CNTNAP2: variants seen among roughly 807,000 people sequenced by gnomAD.
CNTNAP2 encodes the protein contactin-associated protein-like 2.
CNTNAP2 carries 98 observed loss-of-function variants against 155.2 expected under a neutral mutation model. The observed-to-expected ratio is 0.63, with a 90% CI of 0.54 to 0.75. The LOEUF is 0.75. Among genes scored for constraint, CNTNAP2 ranks in the 30% least tolerant of loss-of-function variants. The pLI is 0.00. For missense variants in CNTNAP2, 1,727 were observed against 1,688.1 expected, an observed-to-expected ratio of 1.02 and a Z score of -0.40; for synonymous variants, 651 against 631.2, an observed-to-expected ratio of 1.03 and a Z score of -0.47.
chr7:147,440,792 T>C (rs1797624533), intron 10 of CNTNAP2, among the ~76,000 whole-genome samples: 1 of 152,198 alleles, frequency 6.6e-6, no homozygotes, highest in African/African-American at 2.4e-5. Flanking sequence ...TACGACTCTC[T>C]TCTGGCCTGT....
chr7:147,625,391 C>A (rs2116899738), intron 12 of CNTNAP2, among the ~76,000 whole-genome samples: 1 of 152,008 alleles, frequency 6.6e-6, no homozygotes, highest in South Asian at 2.1e-4. Context: ...CTATGATGTA[C>A]CCACAAAAAT....
At chr7:146,161,908 G>C (rs1377142139) in intron 1 of CNTNAP2, among the ~76,000 whole-genome samples, 1 of 152,112 alleles carries the variant, frequency 6.6e-6, no homozygotes, top group Admixed American at 6.6e-5. Context: ...ACGAGAAATG[G>C]GGAAAGGATT....
chr7:147,902,135 A>G (rs971695755), intron 13 of CNTNAP2, among the ~76,000 whole-genome samples: 1 of 152,204 alleles, frequency 6.6e-6, no homozygotes, highest in Non-Finnish European at 1.5e-5. Flanking sequence ...ACTGACCGCA[A>G]CTTGGCTTCC....
At chr7:146,780,407 T>C (rs1802464904) in intron 2 of CNTNAP2, among the ~76,000 whole-genome samples, 1 of 152,028 alleles carries the variant, frequency 6.6e-6, no homozygotes, top group Non-Finnish European at 1.5e-5. Context: ...GCCAGGATCG[T>C]CTCAATCTCC....
Position 146,326,469 on chromosome 7 carries a change from G to T in CNTNAP2, c.97+209496G>T, listed in dbSNP as rs189495259. Among the ~76,000 whole-genome samples the T allele has an allele frequency of 9.2e-5, 14 of 152,262 alleles. No homozygotes were observed. In the East Asian group the frequency reaches 2.7e-3, roughly 29 times the overall value. ...TACATGACAGTGAATGCCATTTGCT[G>T]ATAGCAAATGAATTCAAATAGCCCT... is the stretch of plus-strand genomic sequence containing the variant. On this transcript the variant is annotated intron_variant, in intron 1 of 23. Coordinates refer to ENST00000361727, the MANE Select transcript of CNTNAP2 (RefSeq NM_014141.6).
intron 2 of CNTNAP2, among the ~76,000 whole-genome samples, chr7:146,830,381 A>G (rs1260291639): frequency 1.3e-5 from 2 of 152,114 alleles, no homozygotes; most frequent in Non-Finnish European, 1.5e-5. Context: ...ATTTCTTTAT[A>G]GATCTGGGTG....
chr7:147,895,217 T>C (rs1799758554), intron 13 of CNTNAP2, among the ~76,000 whole-genome samples: 1 of 151,852 alleles, frequency 6.6e-6, no homozygotes, highest in Admixed American at 6.6e-5. Flanking sequence ...CAGGTGATCC[T>C]CCCACCTCGG....
At chr7:146,381,365 AC>A (rs1020308463) in intron 1 of CNTNAP2, among the ~76,000 whole-genome samples, 2 of 152,154 alleles carry the variant, frequency 1.3e-5, no homozygotes, top group African/African-American at 4.8e-5. Flanking sequence ...AAATATATTA[AC>A]TTCTTTTTTA....
intron 13 of CNTNAP2, among the ~76,000 whole-genome samples, chr7:147,851,947 GT>G (rs1798951150): frequency 6.6e-6 from 1 of 151,854 alleles, no homozygotes; most frequent in Non-Finnish European, 1.5e-5. Flanking sequence ...TTTCTGATTT[GT>G]TTAAAAAAAA....
chr7:146,902,346 G>A (rs1269272679), intron 3 of CNTNAP2, among the ~76,000 whole-genome samples: 1 of 151,978 alleles, frequency 6.6e-6, no homozygotes, highest in Non-Finnish European at 1.5e-5. Flanking sequence ...AATATACTTT[G>A]TTTCTTCATC....
At chr7:146,366,894 C>T (rs1795163300) in intron 1 of CNTNAP2, among the ~76,000 whole-genome samples, 1 of 152,222 alleles carries the variant, frequency 6.6e-6, no homozygotes, top group South Asian at 2.1e-4. Flanking sequence ...TCCCCTGATC[C>T]ATCTTTAGAC....
At chr7:146,608,480 T>C (rs567808478) in intron 1 of CNTNAP2, among the ~76,000 whole-genome samples, 6 of 152,284 alleles carry the variant, frequency 3.9e-5, no homozygotes, top group South Asian at 4.1e-4. Context: ...CAGTTAATAA[T>C]GACAATACAG....
intron 1 of CNTNAP2, among the ~76,000 whole-genome samples, chr7:146,219,663 G>A (rs545433356): frequency 6.6e-6 from 1 of 152,182 alleles, no homozygotes; most frequent in African/African-American, 2.4e-5. Flanking sequence ...AGGTAAATGA[G>A]ATGGGTCTGG....
chr7:147,764,718 T>G (rs1274376636), intron 13 of CNTNAP2, among the ~76,000 whole-genome samples: 2 of 152,224 alleles, frequency 1.3e-5, no homozygotes, highest in Non-Finnish European at 2.9e-5. Context: ...AAACAAAAGC[T>G]GCTGAGTTCT....
intron 15 of CNTNAP2, among the ~76,000 whole-genome samples, chr7:148,017,438 A>G (rs1048972156): frequency 8.5e-5 from 13 of 152,240 alleles, no homozygotes; most frequent in African/African-American, 3.1e-4. Flanking sequence ...GCATACAAAA[A>G]GGCTGCTTAT....
At chr7:146,360,188 C>T (rs1216199509) in intron 1 of CNTNAP2, among the ~76,000 whole-genome samples, 1 of 152,110 alleles carries the variant, frequency 6.6e-6, no homozygotes. Context: ...TGTCTCTCTC[C>T]TTTGACAGAA....
At chr7:147,740,713 A>T (rs1423660978) in intron 13 of CNTNAP2, among the ~76,000 whole-genome samples, 1 of 152,230 alleles carries the variant, frequency 6.6e-6, no homozygotes. Context: ...TGTCAACCAT[A>T]TTATTAAATA....
intron 3 of CNTNAP2, among the ~76,000 whole-genome samples, chr7:146,933,808 G>C (rs1037173803): frequency 3.9e-5 from 6 of 151,984 alleles, no homozygotes; most frequent in African/African-American, 1.2e-4. Flanking sequence ...CTCAAAAGAA[G>C]ACATTTATGC....
chr7:147,011,176 G>A (rs1455104344), intron 3 of CNTNAP2, among the ~76,000 whole-genome samples: 2 of 151,988 alleles, frequency 1.3e-5, no homozygotes, highest in African/African-American at 4.8e-5. Flanking sequence ...CCCTTTGGGA[G>A]GCTGAGGCAG....
Sources: allele counts gnomAD v4.1 joint callset (sites outside exome capture counted in the v4.1 genomes callset), GRCh38; gene constraint gnomAD v4.1.1; transcripts MANE v1.5; gene names NCBI Gene and HGNC (gene_info 2026-07-23, HGNC 2026-07-21).